Variants in PAPPA observed in about 807,000 individuals in gnomAD.
PAPPA encodes pappalysin 1, also known as pappalysin-1.
Under a neutral mutation model 164.0 loss-of-function variants are expected in PAPPA, and 60 were observed. The observed-to-expected ratio is 0.37, with a 90% confidence interval of 0.30 to 0.45. The LOEUF is 0.45. Ranked by LOEUF, PAPPA falls within the 20% of genes least tolerant of loss-of-function variation. PAPPA has a pLI of 1.00. For missense variants in PAPPA, 1,782 were observed against 2,087.3 expected (o/e 0.85, Z 2.85); for synonymous variants, 875 against 814.1 (o/e 1.07, Z -1.27).
In PAPPA at chr9:116,205,986, T is replaced by C. The variant is rs555069363; in HGVS notation, c.1479-1470T>C. ...CAAACAGGGATGAGACATGTGTACC[T>C]AGCACAGGGTCTGGCATACAGCAAA... On this transcript the variant is annotated intron_variant, in intron 2 of 21. Coordinates refer to ENST00000328252, the MANE Select transcript of PAPPA (RefSeq NM_002581.5). Among the ~76,000 whole-genome samples the C allele has an allele frequency of 2.0e-5, 3 of 152,310 alleles. No homozygotes were observed. In the South Asian group the frequency reaches 6.2e-4, roughly 32 times the overall value.
chr9:116,330,524 C>A (rs1339247980), intron 10 of PAPPA, among the ~76,000 whole-genome samples: 1 of 151,932 alleles, frequency 6.6e-6, no homozygotes, highest in Non-Finnish European at 1.5e-5. Flanking sequence ...TTTGAAGAAT[C>A]CTGCTTGTCT....
chr9:116,393,749 G>A (rs943251448), intron 21 of PAPPA, among the ~76,000 whole-genome samples: 5 of 152,182 alleles, frequency 3.3e-5, no homozygotes, highest in African/African-American at 1.2e-4. Context: ...GGCCAGGGAA[G>A]AGCAGTCAGA....
chr9:116,315,003 G>A (rs911854246), intron 10 of PAPPA, among the ~76,000 whole-genome samples: 46 of 152,314 alleles, frequency 3.0e-4, no homozygotes, highest in African/African-American at 1.0e-3. Flanking sequence ...CCTGTGCCCA[G>A]CACAGGACCT....
At chr9:116,266,731 AC>A (rs1845072251) in intron 8 of PAPPA, among the ~76,000 whole-genome samples, 1 of 152,300 alleles carries the variant, frequency 6.6e-6, no homozygotes, top group African/African-American at 2.4e-5. Flanking sequence ...CAATAAATAA[AC>A]TTTTAAGTGC....
intron 3 of PAPPA, among the ~76,000 whole-genome samples, chr9:116,208,292 A>G (rs1844263043): frequency 6.6e-6 from 1 of 152,138 alleles, no homozygotes; most frequent in Non-Finnish European, 1.5e-5. Flanking sequence ...GTAAACATGC[A>G]TTTTTTTAAC....
intron 18 of PAPPA, among the ~76,000 whole-genome samples, chr9:116,367,097 A>T (rs1043032082): frequency 2.6e-5 from 4 of 152,184 alleles, no homozygotes; most frequent in African/African-American, 9.7e-5. Flanking sequence ...TTCAGGGCAA[A>T]CTTCTTAGAA....
intron 7 of PAPPA, among the ~76,000 whole-genome samples, chr9:116,255,600 G>A (rs923905757): frequency 2.0e-5 from 3 of 151,934 alleles, no homozygotes; most frequent in Non-Finnish European, 4.4e-5. Flanking sequence ...ATTTGTGGTT[G>A]GTATAGTTTG....
At chr9:116,351,910 G>C (rs965553316) in intron 15 of PAPPA, among the ~76,000 whole-genome samples, 3 of 152,164 alleles carry the variant, frequency 2.0e-5, no homozygotes, top group African/African-American at 2.4e-5. Flanking sequence ...GGAGAGTTTG[G>C]TGGAGAAACA....
chr9:116,168,220 A>T (rs1843737175), intron 1 of PAPPA, among the ~76,000 whole-genome samples: 1 of 152,242 alleles, frequency 6.6e-6, no homozygotes, highest in African/African-American at 2.4e-5. Context: ...TAGGAAAGGT[A>T]AATGTTCCTT....
At chr9:116,178,416 A>G (rs1843862646) in intron 1 of PAPPA, among the ~76,000 whole-genome samples, 1 of 152,198 alleles carries the variant, frequency 6.6e-6, no homozygotes, top group Non-Finnish European at 1.5e-5. Flanking sequence ...CCGGAAAGAT[A>G]TTTATTATTA....
At chr9:116,183,140 T>C (rs1005129916) in intron 1 of PAPPA, among the ~76,000 whole-genome samples, 2 of 152,124 alleles carry the variant, frequency 1.3e-5, no homozygotes, top group African/African-American at 4.8e-5. Context: ...TCTATCTTTA[T>C]GGAGAACTGT....
chr9:116,254,647 T>G (rs1298816052), intron 7 of PAPPA, among the ~76,000 whole-genome samples: 3 of 151,514 alleles, frequency 2.0e-5, no homozygotes, highest in Admixed American at 6.6e-5. Context: ...CCGGGCGTGG[T>G]GGTGGGCGCC....
Position 116,258,620 on chromosome 9 carries a change from C to G in PAPPA, c.2733-7237C>G, listed in dbSNP as rs148034534. 8.2e-3 allele frequency among the ~76,000 whole-genome samples: 1,249 copies of G among 152,106 alleles called. 16 individuals carry two copies. The highest frequency in any genetic ancestry group is 0.028 in the African/African-American group (1,162 of 41,482). On this transcript the variant is annotated intron_variant, in intron 7 of 21. Coordinates refer to ENST00000328252, the MANE Select transcript of PAPPA (RefSeq NM_002581.5). Reference sequence around the variant, plus strand: ...GAGGTGAGCCGAGATCGCACCATTGCACTCCAGCCTGGGCAACAAGAGCAA... The same window carrying G: ...GAGGTGAGCCGAGATCGCACCATTGGACTCCAGCCTGGGCAACAAGAGCAA...
At chr9:116,209,636 G>A (rs1844282470) in intron 3 of PAPPA, among the ~76,000 whole-genome samples, 1 of 152,128 alleles carries the variant, frequency 6.6e-6, no homozygotes, top group South Asian at 2.1e-4. Context: ...CAGGACTGGG[G>A]CCCAAGTGCT....
intron 21 of PAPPA, among the ~76,000 whole-genome samples, chr9:116,384,163 C>T (rs1034800127): frequency 3.3e-5 from 5 of 151,822 alleles, no homozygotes; most frequent in African/African-American, 4.8e-5. Flanking sequence ...CAGTGGCTCA[C>T]GGTTGTAACT....
chr9:116,189,706 C>A (rs1366849844), intron 2 of PAPPA, among the ~76,000 whole-genome samples: 1 of 152,224 alleles, frequency 6.6e-6, no homozygotes, highest in East Asian at 1.9e-4. Context: ...CAGATTCACA[C>A]TGAACTTTTC....
chr9:116,164,317 T>G (rs1329725671), intron 1 of PAPPA, among the ~76,000 whole-genome samples: 2 of 152,206 alleles, frequency 1.3e-5, no homozygotes, highest in African/African-American at 4.8e-5. Context: ...CCAGCTTATT[T>G]GCTTTGACCA....
chr9:116,314,654 G>A (rs1845765855), intron 10 of PAPPA, among the ~76,000 whole-genome samples: 1 of 152,166 alleles, frequency 6.6e-6, no homozygotes, highest in South Asian at 2.1e-4. Context: ...TGCCTAAGGG[G>A]CACGTTCCAG....
At chr9:116,330,356 T>G (rs1477531974) in intron 10 of PAPPA, among the ~76,000 whole-genome samples, 1 of 152,236 alleles carries the variant, frequency 6.6e-6, no homozygotes, top group Admixed American at 6.5e-5. Context: ...TTGACTAATA[T>G]CTGCACACAT....
Sources: allele counts gnomAD v4.1 joint callset (sites outside exome capture counted in the v4.1 genomes callset), GRCh38; gene constraint gnomAD v4.1.1; transcripts MANE v1.5; gene names NCBI Gene and HGNC (gene_info 2026-07-23, HGNC 2026-07-21).